Variants in GPC5 observed in about 807,000 individuals in gnomAD.
The protein encoded by GPC5 is glypican-5.
Under a neutral mutation model 53.9 loss-of-function variants are expected in GPC5, and 47 were observed. That is an observed-to-expected ratio of 0.87 (90% CI 0.69 to 1.11). GPC5 has a LOEUF of 1.11. Among genes scored for constraint, GPC5 ranks in the 50% most tolerant of loss-of-function variants. The pLI is 0.00. For synonymous variants in GPC5, 286 were observed against 263.3 expected (o/e 1.09, Z -0.84); for missense variants, 748 against 713.1 (o/e 1.05, Z -0.56).
At chr13:92,396,787 T>C (rs1283248112) in intron 7 of GPC5, among the ~76,000 whole-genome samples, 5 of 152,334 alleles carry the variant, frequency 3.3e-5, no homozygotes, top group Non-Finnish European at 2.9e-5. Context: ...ATCGCTGTCT[T>C]GTAGAGGGCC....
chr13:92,846,801 A>G (rs567507412), intron 7 of GPC5, among the ~76,000 whole-genome samples: 1 of 152,348 alleles, frequency 6.6e-6, no homozygotes, highest in East Asian at 1.9e-4. Flanking sequence ...GCATCCAAGG[A>G]GATTTTTGAA....
At chr13:91,656,552 T>C (rs1268041156) in intron 2 of GPC5, among the ~76,000 whole-genome samples, 1 of 152,164 alleles carries the variant, frequency 6.6e-6, no homozygotes, top group Non-Finnish European at 1.5e-5. Context: ...AAATGTGAGA[T>C]GTTACAAATA....
At chr13:92,528,687 A>G (rs923291686) in intron 7 of GPC5, among the ~76,000 whole-genome samples, 6 of 152,098 alleles carry the variant, frequency 3.9e-5, no homozygotes, top group Admixed American at 1.3e-4. Context: ...GGACTGTAAC[A>G]TGAATTTTAA....
intron 2 of GPC5, among the ~76,000 whole-genome samples, chr13:91,618,308 T>C (rs977814828): frequency 7.2e-5 from 11 of 152,162 alleles, no homozygotes; most frequent in African/African-American, 2.7e-4. Context: ...TTTCTTTATA[T>C]ACAATTGCCC....
At chr13:92,150,236 T>C (rs1178964238) in intron 7 of GPC5, among the ~76,000 whole-genome samples, 4 of 151,990 alleles carry the variant, frequency 2.6e-5, no homozygotes, top group Non-Finnish European at 5.9e-5. Context: ...ATCTACACTT[T>C]ACAAGTACCT....
intron 5 of GPC5, among the ~76,000 whole-genome samples, chr13:91,798,728 C>T (rs141378473): frequency 1.3e-5 from 2 of 152,026 alleles, no homozygotes; most frequent in Middle Eastern, 3.2e-3. Flanking sequence ...CAAAGAGATA[C>T]CATTTGACCC....
At chr13:91,723,001 T>C (rs988944273) in intron 3 of GPC5, among the ~76,000 whole-genome samples, 1 of 152,206 alleles carries the variant, frequency 6.6e-6, no homozygotes, top group South Asian at 2.1e-4. Context: ...GTTGCAATAC[T>C]AGAATGTACT....
chr13:91,612,161 G>C (rs1419296430), intron 2 of GPC5, among the ~76,000 whole-genome samples: 1 of 152,182 alleles, frequency 6.6e-6, no homozygotes, highest in Non-Finnish European at 1.5e-5. Flanking sequence ...ATAAATGGCA[G>C]TCTTGTTTGG....
chr13:92,299,216 G>A (rs1240746426), intron 7 of GPC5, among the ~76,000 whole-genome samples: 1 of 152,052 alleles, frequency 6.6e-6, no homozygotes, highest in African/African-American at 2.4e-5. Context: ...TTACAACAAA[G>A]ATCTTTATGG....
intron 2 of GPC5, among the ~76,000 whole-genome samples, chr13:91,498,748 A>C (rs939128034): frequency 6.6e-6 from 1 of 152,026 alleles, no homozygotes; most frequent in Non-Finnish European, 1.5e-5. Context: ...AGGTGGGCGG[A>C]TCATTTGAGG....
rs573980246 is a variant in GPC5, at chr13:92,623,840, G to A, written c.1562-242442G>A. ...AGTCATTTCCCTTAGAAAGTCTACT[G>A]ATAGTGTCTATTTATTTATTTATTT... On this transcript the variant is annotated intron_variant, in intron 7 of 7. Transcript: ENST00000377067. Among the ~76,000 whole-genome samples, 9 of 145,222 alleles carry A rather than the reference G, an allele frequency of 6.2e-5. 1 individual carries two copies. The highest frequency in any genetic ancestry group is 2.2e-4 in the African/African-American group (9 of 41,258).
At chr13:92,699,605 C>T (rs1887664563) in intron 7 of GPC5, among the ~76,000 whole-genome samples, 1 of 152,148 alleles carries the variant, frequency 6.6e-6, no homozygotes, top group Non-Finnish European at 1.5e-5. Context: ...TTAAATGTGT[C>T]CCAAAGATTG....
chr13:91,788,288 A>G (rs1385575649), intron 5 of GPC5, among the ~76,000 whole-genome samples: 1 of 152,170 alleles, frequency 6.6e-6, no homozygotes. Context: ...TCCTCTTTTT[A>G]TAAGGACATT....
chr13:92,070,432 C>T (rs751379115), intron 6 of GPC5, among the ~76,000 whole-genome samples: 21 of 152,062 alleles, frequency 1.4e-4, no homozygotes, highest in African/African-American at 3.4e-4. Flanking sequence ...TTAATCTGCC[C>T]GAAAATTTAT....
At chr13:92,765,237 C>A (rs971997076) in intron 7 of GPC5, among the ~76,000 whole-genome samples, 3 of 152,074 alleles carry the variant, frequency 2.0e-5, no homozygotes, top group African/African-American at 7.2e-5. Context: ...GGGCCAGATG[C>A]ATGTTGCATA....
chr13:91,518,197 T>C (rs1418351923), intron 2 of GPC5, among the ~76,000 whole-genome samples: 2 of 152,178 alleles, frequency 1.3e-5, no homozygotes, highest in Non-Finnish European at 2.9e-5. Context: ...TCAAGTAGCA[T>C]GTATAAGAAA....
intron 7 of GPC5, among the ~76,000 whole-genome samples, chr13:92,302,786 C>T (rs1368531135): frequency 6.6e-6 from 1 of 152,134 alleles, no homozygotes; most frequent in Non-Finnish European, 1.5e-5. Flanking sequence ...GAGTTATTTG[C>T]AGCAGTTTTT....
At chr13:91,574,687 G>A (rs1338154956) in intron 2 of GPC5, among the ~76,000 whole-genome samples, 4 of 151,996 alleles carry the variant, frequency 2.6e-5, no homozygotes, top group African/African-American at 9.7e-5. Flanking sequence ...GTCATCACTT[G>A]ATTTTATTTT....
intron 7 of GPC5, among the ~76,000 whole-genome samples, chr13:92,603,159 T>C (rs978220170): frequency 3.4e-4 from 52 of 152,208 alleles, no homozygotes; most frequent in African/African-American, 1.3e-3. Context: ...TGGTATAGTA[T>C]GGATAAAGGT....
Sources: gnomAD v4.1 joint callset for allele counts (sites outside exome capture counted in the v4.1 genomes callset) on GRCh38, gnomAD v4.1.1 for gene constraint, MANE v1.5 for transcripts, NCBI Gene and HGNC (gene_info 2026-07-23, HGNC 2026-07-21) for gene names.